BLVRA: variants seen among roughly 807,000 people sequenced by gnomAD.
The protein encoded by BLVRA is BVR A.
In BLVRA, 22 loss-of-function variants were observed where a neutral mutation model predicts 32.8. The observed-to-expected ratio is 0.67, with a 90% CI of 0.48 to 0.96. The LOEUF is 0.96. Ranked by LOEUF, BLVRA falls within the 40% of genes least tolerant of loss-of-function variation. BLVRA has a pLI of 0.00. For synonymous variants in BLVRA, 119 were observed against 141.3 expected, an observed-to-expected ratio of 0.84 and a Z score of 1.12; for missense variants, 323 against 358.1, an observed-to-expected ratio of 0.90 and a Z score of 0.79.
intron 1 of BLVRA, among the ~76,000 whole-genome samples, chr7:43,765,274 CAG>C (rs1484832686): frequency 3.9e-5 from 6 of 152,178 alleles, no homozygotes; most frequent in Admixed American, 1.3e-4. Context: ...TATTTAGAGA[CAG>C]AGTCTTGCTC....
At chr7:43,796,966 T>G (rs1163323649) in intron 5 of BLVRA, among the ~76,000 whole-genome samples, 1 of 152,216 alleles carries the variant, frequency 6.6e-6, no homozygotes, top group African/African-American at 2.4e-5. Context: ...TCAATACCAC[T>G]AATCCTTATA....
At chr7:43,764,762 AC>A (rs1001581544) in intron 1 of BLVRA, among the ~76,000 whole-genome samples, 21 of 149,738 alleles carry the variant, frequency 1.4e-4, no homozygotes, top group African/African-American at 5.1e-4. Flanking sequence ...CCGAAAGAGA[AC>A]CCCCCACCCC....
intron 2 of BLVRA, among the ~76,000 whole-genome samples, chr7:43,784,959 G>A (rs186737649): frequency 6.6e-6 from 1 of 152,144 alleles, no homozygotes; most frequent in East Asian, 1.9e-4. Context: ...CAGTAATATC[G>A]AAACCAAATC....
intron 1 of BLVRA, among the ~76,000 whole-genome samples, chr7:43,766,522 TA>T (rs2095748121): frequency 6.6e-6 from 1 of 152,134 alleles, no homozygotes; most frequent in African/African-American, 2.4e-5. Flanking sequence ...TAAGATATAT[TA>T]AAATACAGAA....
chr7:43,796,630 G>C (rs140735979), intron 5 of BLVRA, among the ~76,000 whole-genome samples: 1 of 152,246 alleles, frequency 6.6e-6, no homozygotes, highest in Non-Finnish European at 1.5e-5. Flanking sequence ...AAAGCATCAA[G>C]ATATTGGATT....
intron 2 of BLVRA, among the ~76,000 whole-genome samples, chr7:43,772,565 T>A (rs1451392056): frequency 6.6e-6 from 1 of 152,214 alleles, no homozygotes; most frequent in East Asian, 1.9e-4. Flanking sequence ...TCCATTTTCA[T>A]GCTGCTATAA....
chr7:43,791,533 T>C, intron 4 of BLVRA, 165 bp downstream of exon 4: 1 of 708,738 alleles, frequency 1.4e-6, no homozygotes, highest in East Asian at 2.8e-5. Flanking sequence ...GAAATTCTTA[T>C]TGCTGGTTAT....
chr7:43,788,372 A>G (rs2095780976), intron 3 of BLVRA, among the ~76,000 whole-genome samples: 2 of 152,224 alleles, frequency 1.3e-5, no homozygotes, highest in African/African-American at 4.8e-5. Context: ...CATAGTCATC[A>G]TGACAGCCAT....
At chr7:43,766,804 A>G (rs1220498873) in intron 1 of BLVRA, among the ~76,000 whole-genome samples, 1 of 152,252 alleles carries the variant, frequency 6.6e-6, no homozygotes, top group African/African-American at 2.4e-5. Flanking sequence ...TCTGTGAGCA[A>G]CTAGCTGGGG....
chr7:43,798,877 C>T (rs1006652044), intron 5 of BLVRA, among the ~76,000 whole-genome samples: 3 of 151,576 alleles, frequency 2.0e-5, no homozygotes, highest in African/African-American at 7.3e-5. Context: ...ACAAAAGACA[C>T]AGCTGGAAAA....
rs781021256 is a variant in BLVRA at position 43,792,721 on chromosome 7, C to T, written c.261C>T (p.Phe87=). The change falls in exon 5 of 8, where the codon TTC becomes TTT. Residue 87 remains phenylalanine (F), a synonymous_variant. Transcript: ENST00000265523. Reference sequence around the variant, plus strand: ...TTTGTCTCGTTTACCAAAGGCAGTTCCTTAATGCTGGCAAGCACGTCCTTG... The same window carrying T: ...TTTGTCTCGTTTACCAAAGGCAGTTTCTTAATGCTGGCAAGCACGTCCTTG... ...SSSHEDYIRQ[F]LNAGKHVLVE... 5.6e-6 allele frequency: 9 copies of T among 1,613,974 alleles called. No homozygotes were observed. The Admixed American group carries it at 6.7e-5, about 12-fold the overall frequency.
intron 1 of BLVRA, chr7:43,767,437 T>C: frequency 6.4e-7 from 1 of 1,557,212 alleles, no homozygotes; most frequent in Non-Finnish European, 8.8e-7. Flanking sequence ...ATTTCACAAC[T>C]AAATCTTATA....
chr7:43,799,478 A>C (rs576429889), intron 5 of BLVRA, among the ~76,000 whole-genome samples: 1 of 152,252 alleles, frequency 6.6e-6, no homozygotes, highest in Non-Finnish European at 1.5e-5. Context: ...ATAATCCAAA[A>C]TTTATTTTAT....
At chr7:43,779,280 T>G (rs1219428503) in intron 2 of BLVRA, among the ~76,000 whole-genome samples, 4 of 152,256 alleles carry the variant, frequency 2.6e-5, no homozygotes, top group Non-Finnish European at 4.4e-5. Flanking sequence ...TTCGGCCATC[T>G]TGGCTCCACT....
intron 5 of BLVRA, among the ~76,000 whole-genome samples, chr7:43,795,946 A>G (rs2095792259): frequency 6.6e-6 from 1 of 151,826 alleles, no homozygotes; most frequent in African/African-American, 2.4e-5. Context: ...TCTACTAAAA[A>G]TACAAAAATT....
At chr7:43,794,308 C>T (rs755251739) in intron 5 of BLVRA, among the ~76,000 whole-genome samples, 1 of 152,034 alleles carries the variant, frequency 6.6e-6, no homozygotes, top group Non-Finnish European at 1.5e-5. Flanking sequence ...CTAGACCTGC[C>T]CTACAGGAAA....
At chr7:43,763,736 A>G (rs928488728) in intron 1 of BLVRA, among the ~76,000 whole-genome samples, 1 of 152,216 alleles carries the variant, frequency 6.6e-6, no homozygotes, top group African/African-American at 2.4e-5. Flanking sequence ...GTTGTGCTAA[A>G]ACAAATATTT....
At chr7:43,791,805 T>C (rs376569911) in intron 4 of BLVRA, 14 of 197,834 alleles carry the variant, frequency 7.1e-5, no homozygotes, top group African/African-American at 2.6e-4. Context: ...AAAATAACGG[T>C]TGAGTTCCTT....
intron 2 of BLVRA, among the ~76,000 whole-genome samples, chr7:43,784,043 T>G (rs1360486248): frequency 2.0e-5 from 3 of 152,226 alleles, no homozygotes; most frequent in Non-Finnish European, 4.4e-5. Context: ...CACCAGCTTC[T>G]CTGAGTCCAA....
Sources: allele counts gnomAD v4.1 joint callset (sites outside exome capture counted in the v4.1 genomes callset), GRCh38; gene constraint gnomAD v4.1.1; transcripts MANE v1.5; gene names NCBI Gene and HGNC (gene_info 2026-07-23, HGNC 2026-07-21).